The following PIN1 variants were observed in gnomAD, a reference collection of about 807,000 sequenced individuals.
PIN1 encodes the protein peptidylprolyl cis/trans isomerase, NIMA-interacting 1.
In PIN1, 8 loss-of-function variants were observed where a neutral mutation model predicts 19.9. The ratio of observed to expected loss-of-function variants is 0.40; its 90% CI spans 0.24 to 0.72. The LOEUF is 0.72. Ranked by LOEUF, PIN1 falls within the 30% of genes least tolerant of loss-of-function variation. PIN1 has a pLI of 0.37. For synonymous variants in PIN1, 86 were observed against 90.8 expected, an observed-to-expected ratio of 0.95 and a Z score of 0.30; for missense variants, 185 against 226.5, an observed-to-expected ratio of 0.82 and a Z score of 1.18.
chr19:9,842,687 G>A (rs2046179809), intron 2 of PIN1, among the ~76,000 whole-genome samples: 1 of 152,250 alleles, frequency 6.6e-6, no homozygotes, highest in Non-Finnish European at 1.5e-5. Context: ...CTCAGAGGTC[G>A]ATAGGAGGAT....
intron 2 of PIN1, among the ~76,000 whole-genome samples, chr19:9,839,390 TG>T (rs1166220010): frequency 7.2e-6 from 1 of 138,158 alleles, no homozygotes; most frequent in Non-Finnish European, 1.5e-5. Context: ...CACTCCAGCC[TG>T]GGCAGCAAAG....
intron 2 of PIN1, among the ~76,000 whole-genome samples, chr19:9,841,654 CTAG>C (rs2046167292): frequency 6.6e-6 from 1 of 152,142 alleles, no homozygotes; most frequent in Non-Finnish European, 1.5e-5. Context: ...ATCTGTGAAG[CTAG>C]AATGTCAAGG....
chr19:9,848,112 CA>C lies in PIN1; in HGVS notation c.355del (p.Arg119GlyfsTer28), dbSNP rs2046239751. The C allele has an allele frequency of 1.9e-6, 3 of 1,612,060 alleles. No individual in the cohort carries two copies. Among genetic ancestry groups the C allele is most frequent in the African/African-American group, 1.3e-5 (1 of 74,878 alleles). On this transcript the variant is annotated frameshift_variant, in exon 3 of 4. Coordinates refer to ENST00000247970, the MANE Select transcript of PIN1 (RefSeq NM_006221.4). LOFTEE classifies it high-confidence loss of function. ...TCAGCGACTGCAGCTCAGCCAAGGC[CA>C]GGGGAGACCTGGGTGCCTTCAGCAG... ...QFSDCSSAKA[R>X]GDLGAFSRGQ...
intron 2 of PIN1, among the ~76,000 whole-genome samples, chr19:9,847,468 G>A (rs1378903116): frequency 1.3e-5 from 2 of 152,236 alleles, no homozygotes; most frequent in Admixed American, 6.5e-5. Flanking sequence ...CCCTTGCAGA[G>A]CCCACCAGGG....
At position 9,846,595 on chromosome 19, in the gene PIN1, G is replaced by C. The variant is rs867469732; in HGVS notation, c.272-1435G>C. 5.3e-5 allele frequency among the ~76,000 whole-genome samples: 8 copies of C among 152,162 alleles called. No individual in the cohort carries two copies. Among genetic ancestry groups the C allele is most frequent in the Admixed American group, 5.2e-4 (8 of 15,276 alleles). Reference sequence around the variant, plus strand: ...ACTGCAGTCCCAAGCAGGTTAGAGCGTGAGGCCGAGGGGCCCTGGGGACAC... The same window carrying C: ...ACTGCAGTCCCAAGCAGGTTAGAGCCTGAGGCCGAGGGGCCCTGGGGACAC... On this transcript the variant is annotated intron_variant, in intron 2 of 3. Transcript: ENST00000247970. The surrounding 1 kb of genome is among the most constrained non-coding windows in gnomAD (Gnocchi z 5.9).
intron 1 of PIN1, chr19:9,837,109 G>A (rs1157042745): frequency 4.7e-5 from 14 of 297,110 alleles, no homozygotes; most frequent in East Asian, 8.9e-5. Flanking sequence ...GACCACAGGC[G>A]TGTACCACCC....
chr19:9,842,713 C>T (rs915951478), intron 2 of PIN1, among the ~76,000 whole-genome samples: 23 of 152,334 alleles, frequency 1.5e-4, no homozygotes, highest in South Asian at 6.2e-4. Context: ...GAGGTGGCCC[C>T]GGCCGAGGTA....
In PIN1 at chr19:9,838,141, C is replaced by T. The variant is rs2046128274; in HGVS notation, c.59-295C>T. 1 of 459,700 alleles carries T rather than the reference C, an allele frequency of 2.2e-6. No homozygotes were observed. The highest frequency in any genetic ancestry group is 4.0e-6 in the Non-Finnish European group (1 of 247,508). The allele number at this position is 459,700 out of a possible 1,614,324, so 28.5% of individuals were successfully genotyped here. A position where few individuals can be genotyped will look rare whatever the true frequency, so the allele number is the denominator to read the frequency against. Reference sequence around the variant, plus strand: ...TCCCCCAGCTTCCTCTGTTCCATCACTCTGGGTTATTTTCCTCCTTGAAGT... The same window carrying T: ...TCCCCCAGCTTCCTCTGTTCCATCATTCTGGGTTATTTTCCTCCTTGAAGT... On this transcript the variant is annotated intron_variant, in intron 1 of 3. Transcript: ENST00000247970. This position sits in a 1 kb window ranked among gnomAD's most constrained non-coding sequence, Gnocchi z 5.8.
Position 9,835,353 on chromosome 19 carries a change from C to G in PIN1, c.9C>G (p.Asp3Glu). 1 of 1,522,714 alleles carries G rather than the reference C, an allele frequency of 6.6e-7. No homozygotes were observed. The highest frequency in any genetic ancestry group is 8.8e-7 in the Non-Finnish European group (1 of 1,141,584). The allele number at this position is 1,522,714 out of a possible 1,614,324, so 94.3% of individuals were successfully genotyped here. MADEEKLPPGWEK... is the reference protein window; with the variant it reads MAEEEKLPPGWEK... Reference sequence around the variant, plus strand: ...CTGCGGCAGGAGGGAAGATGGCGGACGAGGAGAAGCTGCCGCCCGGCTGGG... The same window carrying G: ...CTGCGGCAGGAGGGAAGATGGCGGAGGAGGAGAAGCTGCCGCCCGGCTGGG... The change falls in exon 1 of 4, where the codon GAC becomes GAG. Residue 3 changes from aspartate to glutamate, a missense_variant. Physicochemically the swap from Asp to Glu is conservative, Grantham distance 45 (BLOSUM62 2). Transcript: ENST00000247970.
intron 1 of PIN1, chr19:9,835,621 G>A: frequency 4.0e-6 from 2 of 500,746 alleles, no homozygotes; most frequent in South Asian, 3.4e-5. Context: ...GGGGCTGGGC[G>A]GGTGAGGGTC....
rs2046251680 is a variant in PIN1, at chr19:9,849,249, G to GGCCAGCTCCCCCTTGCCC, written c.*57_*74dup. ...CGGGGCAGGGCAGGGCGGCTAGGCC[G>GGCCAGCTCCCCCTTGCCC]GCCAGCTCCCCCTTGCCCGCCAGCC... On this transcript the variant is annotated 3_prime_UTR_variant, in exon 4 of 4. Coordinates refer to ENST00000247970, the MANE Select transcript of PIN1 (RefSeq NM_006221.4). 1 of 1,277,486 alleles carries GGCCAGCTCCCCCTTGCCC rather than the reference G, an allele frequency of 7.8e-7. No homozygotes were observed. The highest frequency in any genetic ancestry group is 1.9e-5 in the Admixed American group (1 of 52,422). 79.1% of individuals were successfully genotyped at this position (1,277,486 alleles called of 1,614,324 possible).
At chr19:9,841,301 A>G (rs1784506316) in intron 2 of PIN1, among the ~76,000 whole-genome samples, 1 of 152,210 alleles carries the variant, frequency 6.6e-6, no homozygotes, top group African/African-American at 2.4e-5. Context: ...CTCTGAGGGC[A>G]GGGACTGGAT....
At position 9,849,179 on chromosome 19, in the gene PIN1, A is replaced by G; in HGVS notation, c.472A>G (p.Ile158Val). The G allele has an allele frequency of 2.5e-6, 4 of 1,612,052 alleles. No individual in the cohort carries two copies. Among genetic ancestry groups the G allele is most frequent in the Non-Finnish European group, 3.4e-6 (4 of 1,178,818 alleles). ...CGTGTTCACGGATTCCGGCATCCACATCATCCTCCGCACTGAGTGAGGGTG... is the reference window on the plus strand; with the variant it reads ...CGTGTTCACGGATTCCGGCATCCACGTCATCCTCCGCACTGAGTGAGGGTG... ...GPVFTDSGIH[I>V]ILRTE The change falls in exon 4 of 4, where the codon ATC becomes GTC. Residue 158 changes from isoleucine to valine, a missense_variant. By Grantham distance (29) the Ile-to-Val change is conservative. Transcript: ENST00000247970.
Position 9,838,512 on chromosome 19 carries a change from CA to C in PIN1, c.140del (p.Asn47ThrfsTer16). The C allele has an allele frequency of 6.2e-7, 1 of 1,604,164 alleles. No homozygotes were observed. The highest frequency in any genetic ancestry group is 1.7e-5 in the Admixed American group (1 of 57,910). ...RPSGNSSSGG[K>X]NGQGEPARVR... is the part of the protein sequence containing the mutation. ...CCAGCGGCAACAGCAGCAGTGGTGG[CA>C]AAAACGGGCAGGGGGAGCCTGCCAG... On this transcript the variant is annotated frameshift_variant, in exon 2 of 4. Coordinates refer to ENST00000247970, the MANE Select transcript of PIN1 (RefSeq NM_006221.4). LOFTEE classifies it high-confidence loss of function. The surrounding 1 kb of genome is among the most constrained non-coding windows in gnomAD (Gnocchi z 5.8).
intron 2 of PIN1, among the ~76,000 whole-genome samples, chr19:9,841,310 A>ATC (rs1421782401): frequency 6.6e-6 from 1 of 152,146 alleles, no homozygotes; most frequent in Non-Finnish European, 1.5e-5. Context: ...CAGGGACTGG[A>ATC]TCTCTCTCTT....
intron 2 of PIN1, among the ~76,000 whole-genome samples, chr19:9,844,777 G>A (rs550282155): frequency 5.9e-4 from 90 of 152,188 alleles, no homozygotes; most frequent in Non-Finnish European, 1.2e-3. Flanking sequence ...AGGCAGATAG[G>A]GCATGAGATT....
chr19:9,847,893 C>G, intron 2 of PIN1, 137 bp from the exon 3 acceptor site: 1 of 693,440 alleles, frequency 1.4e-6, no homozygotes, highest in South Asian at 1.5e-5. Context: ...TTGTGGGGAG[C>G]ATGTGCGCCT....
intron 2 of PIN1, among the ~76,000 whole-genome samples, chr19:9,841,325 C>T (rs1002510437): frequency 6.6e-6 from 1 of 152,232 alleles, no homozygotes; most frequent in Non-Finnish European, 1.5e-5. Context: ...TCTCTTTCCC[C>T]TGTATTCCCA....
chr19:9,835,678 C>G, intron 1 of PIN1: 1 of 454,032 alleles, frequency 2.2e-6, no homozygotes, highest in Non-Finnish European at 3.8e-6. Flanking sequence ...CCGGCTGATA[C>G]CTCTCGGCCT....
Sources: gnomAD v4.1 joint callset for allele counts (sites outside exome capture counted in the v4.1 genomes callset) on GRCh38, gnomAD v4.1.1 for gene constraint, Gnocchi (gnomAD v3.1) non-coding constraint, MANE v1.5 for transcripts, NCBI Gene and HGNC (gene_info 2026-07-23, HGNC 2026-07-21) for gene names.